Variants in CCDC186 observed in about 807,000 individuals in gnomAD.
CCDC186 encodes coiled-coil domain containing 186.
In CCDC186, 49 loss-of-function variants were observed where a neutral mutation model predicts 113.7. The observed-to-expected ratio is 0.43, with a 90% CI of 0.34 to 0.55. CCDC186 has a LOEUF of 0.55. Ranked by LOEUF, CCDC186 falls within the 20% of genes least tolerant of loss-of-function variation. The pLI is 0.02. For synonymous variants in CCDC186, 355 were observed against 345.8 expected, an observed-to-expected ratio of 1.03 and a Z score of -0.30; for missense variants, 890 against 1,011.1, an observed-to-expected ratio of 0.88 and a Z score of 1.62.
At chr10:114,130,656 T>C (rs915082801) in intron 12 of CCDC186, 9 of 152,168 alleles carry the variant, frequency 5.9e-5, no homozygotes, top group Non-Finnish European at 8.8e-5. Flanking sequence ...ATCTGCACCC[T>C]AGATGCCGGT....
At chr10:114,137,640 C>T (rs868111580) in intron 6 of CCDC186, among the ~76,000 whole-genome samples, 33 of 151,938 alleles carry the variant, frequency 2.2e-4, no homozygotes, top group African/African-American at 5.3e-4. Flanking sequence ...TGGTGGCTCA[C>T]GCCTGTAATT....
At chr10:114,144,693 A>C in intron 5 of CCDC186, 77 bp from the exon 6 acceptor site, 1 of 1,308,662 alleles carries the variant, frequency 7.6e-7, no homozygotes, top group East Asian at 2.5e-5. Flanking sequence ...CCCACAAAGT[A>C]ATCAGTCCAG....
rs576329792 is a variant in CCDC186 at position 114,122,445 on chromosome 10, T to C, written c.*2698A>G. ...GGGAAAATGGAGTCATGGCAAATAT[T>C]CACTTCAAAATTAAAACCTATTGAA... On this transcript the variant is annotated 3_prime_UTR_variant, in exon 16 of 16. Coordinates refer to ENST00000369287, the MANE Select transcript of CCDC186 (RefSeq NM_018017.4). 2.0e-5 allele frequency: 3 copies of C among 152,260 alleles called. No individual in the cohort carries two copies. In the East Asian group the frequency reaches 5.8e-4, roughly 29 times the overall value. The allele number at this position is 152,260 out of a possible 1,614,324, so 9.4% of individuals were successfully genotyped here.
chr10:114,137,766 G>T (rs746874616), intron 6 of CCDC186, among the ~76,000 whole-genome samples: 2 of 152,070 alleles, frequency 1.3e-5, no homozygotes, highest in Non-Finnish European at 2.9e-5. Flanking sequence ...GCCAGGCATG[G>T]TGGCTCATGC....
chr10:114,157,178 ATTTTTTTTTTT>A (rs34377537), intron 3 of CCDC186, among the ~76,000 whole-genome samples: 2 of 121,190 alleles, frequency 1.7e-5, no homozygotes, highest in African/African-American at 3.1e-5. Context: ...AGTTTTCAGA[ATTTTTTTTTTT>A]TTTTTTTTTT....
At chr10:114,132,977 GACAGGTC>G (rs2031137592) in intron 10 of CCDC186, among the ~76,000 whole-genome samples, 1 of 152,164 alleles carries the variant, frequency 6.6e-6, no homozygotes, top group Admixed American at 6.6e-5. Context: ...AGCAGCAAGG[GACAGGTC>G]ACTAATCTTA....
chr10:114,133,574 A>G (rs764282593), intron 10 of CCDC186, among the ~76,000 whole-genome samples: 3 of 152,330 alleles, frequency 2.0e-5, no homozygotes, highest in East Asian at 1.9e-4. Flanking sequence ...GAAGCCTGCC[A>G]AGGAGATTGA....
At chr10:114,154,607 C>T (rs538054538) in intron 3 of CCDC186, among the ~76,000 whole-genome samples, 1 of 152,264 alleles carries the variant, frequency 6.6e-6, no homozygotes, top group East Asian at 1.9e-4. Flanking sequence ...CAGGTGGCTA[C>T]ACAGGTAAAA....
chr10:114,152,338 GAA>G (rs202009408), intron 3 of CCDC186, among the ~76,000 whole-genome samples: 3 of 130,092 alleles, frequency 2.3e-5, no homozygotes, highest in Non-Finnish European at 1.7e-5. Flanking sequence ...CCCTGTCTCT[GAA>G]AAAAAAAAAA....
At chr10:114,155,243 TA>T (rs1036561112) in intron 3 of CCDC186, among the ~76,000 whole-genome samples, 1 of 152,212 alleles carries the variant, frequency 6.6e-6, no homozygotes, top group Non-Finnish European at 1.5e-5. Context: ...TATATCTCAA[TA>T]AACCTGTTGA....
chr10:114,124,086 G>C lies in CCDC186; in HGVS notation c.*1057C>G, dbSNP rs1253063125. The C allele has an allele frequency of 6.6e-6, 1 of 152,254 alleles. No homozygotes were observed. The highest frequency in any genetic ancestry group is 1.5e-5 in the Non-Finnish European group (1 of 68,120). 9.4% of individuals were successfully genotyped at this position (152,254 alleles called of 1,614,324 possible). A position where few individuals can be genotyped will look rare whatever the true frequency, so the allele number is the denominator to read the frequency against. On this transcript the variant is annotated 3_prime_UTR_variant, in exon 16 of 16. Coordinates refer to ENST00000369287, the MANE Select transcript of CCDC186 (RefSeq NM_018017.4). The stretch of plus-strand genomic sequence containing the variant: ...GGCTGGTCTTAAACTCCTGGCCTCA[G>C]GTAATCCTCCTGCCTTGGCTTCCCA...
rs1416921118 is a variant in CCDC186, at chr10:114,145,577, C to T, written c.1073G>A (p.Gly358Glu). 1.9e-6 allele frequency: 3 copies of T among 1,611,148 alleles called. No homozygotes were observed. The South Asian group carries it at 3.3e-5, about 18-fold the overall frequency. ...NKIKQLSQEK[G>E]RLHQLYETKE... ...AGTTTCATACAGCTGGTGCAACCGT[C>T]CTTTCTCCTGAGAAAGCTGCTTAAT... Residue 358 changes from glycine to glutamate, a missense_variant, in exon 5 of 16, where the codon GGA (glycine) becomes GAA (glutamate). Transcript: ENST00000369287.
chr10:114,158,055 C>T (rs906031875), intron 2 of CCDC186, among the ~76,000 whole-genome samples: 8 of 152,310 alleles, frequency 5.3e-5, no homozygotes, highest in Non-Finnish European at 8.8e-5. Context: ...AGGCATTTGT[C>T]TGAAGACATT....
intron 6 of CCDC186, 101 bp from the exon 7 acceptor site, chr10:114,137,391 G>A: frequency 1.4e-6 from 1 of 705,974 alleles, no homozygotes; most frequent in African/African-American, 1.8e-5. Flanking sequence ...CACTGTCACT[G>A]AGGGGCCGAT....
intron 1 of CCDC186, among the ~76,000 whole-genome samples, chr10:114,163,794 TA>T (rs2032248066): frequency 6.6e-6 from 1 of 151,990 alleles, no homozygotes; most frequent in African/African-American, 2.4e-5. Context: ...CAACGCACAT[TA>T]AAGAAAATAA....
At chr10:114,170,293 C>T (rs1299890712) in intron 1 of CCDC186, among the ~76,000 whole-genome samples, 2 of 151,898 alleles carry the variant, frequency 1.3e-5, no homozygotes, top group South Asian at 2.1e-4. Flanking sequence ...AAAGTAGTCA[C>T]ATCCTATTAA....
intron 1 of CCDC186, among the ~76,000 whole-genome samples, chr10:114,167,805 A>T (rs1473905301): frequency 2.9e-4 from 37 of 125,598 alleles, no homozygotes; most frequent in African/African-American, 1.0e-3. Context: ...TCCGTAAAAA[A>T]AAAAAAAAAA....
intron 13 of CCDC186, among the ~76,000 whole-genome samples, chr10:114,127,975 G>A (rs188426850): frequency 2.0e-5 from 3 of 152,282 alleles, no homozygotes; most frequent in Admixed American, 2.0e-4. Flanking sequence ...GGAGGAGGAA[G>A]GGAGGAGAGG....
chr10:114,154,103 C>T (rs991868191), intron 3 of CCDC186, among the ~76,000 whole-genome samples: 7 of 149,720 alleles, frequency 4.7e-5, no homozygotes, highest in Non-Finnish European at 8.9e-5. Context: ...AGCAGCTACT[C>T]GGGAGGTTGA....
Sources: gnomAD v4.1 joint callset for allele counts (sites outside exome capture counted in the v4.1 genomes callset) on GRCh38, gnomAD v4.1.1 for gene constraint, MANE v1.5 for transcripts, NCBI Gene and HGNC (gene_info 2026-07-23, HGNC 2026-07-21) for gene names.